The following FRMD1 variants were observed in gnomAD, a reference collection of about 807,000 sequenced individuals.
The protein encoded by FRMD1 is FERM domain containing 1.
Under a neutral mutation model 54.9 loss-of-function variants are expected in FRMD1, and 51 were observed. The ratio of observed to expected loss-of-function variants is 0.93; its 90% confidence interval spans 0.74 to 1.17. The LOEUF (loss-of-function observed/expected upper bound fraction) is 1.17, where lower values mean the gene tolerates loss of function less well. Among genes scored for constraint, FRMD1 ranks in the 50% most tolerant of loss-of-function variants. The probability of loss-of-function intolerance (pLI) is 0.00; values close to 1 mark genes in which losing one functional copy is unlikely to be tolerated. For synonymous variants in FRMD1, 324 were observed against 306.4 expected (o/e 1.06, Z -0.60); for missense variants, 729 against 743.0 (o/e 0.98, Z 0.22).
upstream of FRMD1, among the ~76,000 whole-genome samples, chr6:168,086,122 A>T (rs180696833): frequency 3.9e-5 from 6 of 152,284 alleles, no homozygotes; most frequent in Non-Finnish European, 7.4e-5. Flanking sequence ...GACGCCAGCC[A>T]TGTCCCCAGC....
upstream of FRMD1, among the ~76,000 whole-genome samples, chr6:168,084,233 G>A (rs1562434552): frequency 6.6e-6 from 1 of 152,192 alleles, no homozygotes; most frequent in African/African-American, 2.4e-5. Flanking sequence ...GAAGCCTGGG[G>A]CATCATGAAG....
chr6:168,064,151 C>T (rs960059967), intron 5 of FRMD1, among the ~76,000 whole-genome samples: 1 of 152,184 alleles, frequency 6.6e-6, no homozygotes, highest in Non-Finnish European at 1.5e-5. Flanking sequence ...TGCTCAGAGG[C>T]CAAGGGCACG....
chr6:168,076,363 T>C (rs1800593385), intron 1 of FRMD1, among the ~76,000 whole-genome samples: 1 of 152,368 alleles, frequency 6.6e-6, no homozygotes, highest in Admixed American at 6.5e-5. Flanking sequence ...ACTGTAAGAC[T>C]GACTTCCTTA....
chr6:168,079,541 G>A (rs1800768733), upstream of FRMD1, among the ~76,000 whole-genome samples: 1 of 152,234 alleles, frequency 6.6e-6, no homozygotes, highest in Non-Finnish European at 1.5e-5. Flanking sequence ...GGAAGATGGA[G>A]CAGCAGCAGG....
intron 1 of FRMD1, among the ~76,000 whole-genome samples, chr6:168,092,102 A>T (rs998044568): frequency 6.6e-6 from 1 of 152,246 alleles, no homozygotes; most frequent in Non-Finnish European, 1.5e-5. Flanking sequence ...CTCTGTGGAC[A>T]GAGCGCTGCC....
intron 1 of FRMD1, among the ~76,000 whole-genome samples, chr6:168,076,836 G>C (rs190443575): frequency 8.5e-5 from 13 of 152,224 alleles, no homozygotes; most frequent in Admixed American, 7.9e-4. Context: ...GAATAACTGG[G>C]CTTGACACAT....
At chr6:168,069,542 T>C (rs1235763203) in intron 2 of FRMD1, among the ~76,000 whole-genome samples, 1 of 152,230 alleles carries the variant, frequency 6.6e-6, no homozygotes, top group Non-Finnish European at 1.5e-5. Flanking sequence ...CAATGTTCGC[T>C]AAAGGATCTG....
At chr6:168,057,492 C>T in intron 10 of FRMD1, 153 bp from the exon 11 acceptor site, 6 of 1,057,472 alleles carry the variant, frequency 5.7e-6, no homozygotes, top group Non-Finnish European at 6.7e-6. Flanking sequence ...TGGACGGGTC[C>T]CCCAGCACAC....
chr6:168,081,471 T>G, upstream of FRMD1: 2 of 1,535,552 alleles, frequency 1.3e-6, no homozygotes, highest in Non-Finnish European at 1.7e-6. Context: ...CGCCCAGATC[T>G]CCTCATGGCT....
rs1322324760 is a variant in FRMD1, at chr6:168,056,632, G to C, written c.*465C>G. The C allele has an allele frequency of 2.8e-5, 1 of 35,442 alleles. No homozygotes were observed. Among genetic ancestry groups the C allele is most frequent in the Non-Finnish European group, 7.4e-5 (1 of 13,440 alleles). 2.2% of individuals were successfully genotyped at this position (35,442 alleles called of 1,614,324 possible). A position where few individuals can be genotyped will look rare whatever the true frequency, so the allele number is the denominator to read the frequency against. ...CTGGGAGGAACCTGGGTCCTGCACA[G>C]TGATGACTGTGAACTCCGGCTTGGG... is the stretch of plus-strand genomic sequence containing the variant. On this transcript the variant is annotated 3_prime_UTR_variant, in exon 11 of 11. Coordinates refer to ENST00000283309, the MANE Select transcript of FRMD1 (RefSeq NM_024919.6).
chr6:168,079,763 C>T (rs1462916647), upstream of FRMD1, among the ~76,000 whole-genome samples: 1 of 152,202 alleles, frequency 6.6e-6, no homozygotes, highest in Non-Finnish European at 1.5e-5. Flanking sequence ...CCTGCAGCAG[C>T]TGGAAGGCCA....
chr6:168,082,995 C>T (rs1800861666), upstream of FRMD1, among the ~76,000 whole-genome samples: 1 of 152,304 alleles, frequency 6.6e-6, no homozygotes, highest in East Asian at 1.9e-4. Flanking sequence ...CCAAGCCTGG[C>T]CCAGGGGCAG....
At chr6:168,066,283 G>A in intron 4 of FRMD1, 2 of 851,768 alleles carry the variant, frequency 2.3e-6, no homozygotes, top group South Asian at 1.1e-4. Flanking sequence ...TGGATCACCT[G>A]AGGTCGGGAG....
upstream of FRMD1, among the ~76,000 whole-genome samples, chr6:168,081,127 A>C (rs1162126134): frequency 6.6e-6 from 1 of 152,084 alleles, no homozygotes; most frequent in Non-Finnish European, 1.5e-5. Flanking sequence ...TCTGAGTGCC[A>C]GGGAGAGCTG....
At chr6:168,073,241 G>A (rs956946273) in intron 2 of FRMD1, among the ~76,000 whole-genome samples, 5 of 150,474 alleles carry the variant, frequency 3.3e-5, no homozygotes, top group South Asian at 4.3e-4. Context: ...GGCTGGAATC[G>A]GGTGGGGGCT....
chr6:168,079,270 T>G, upstream of FRMD1: 1 of 1,244,616 alleles, frequency 8.0e-7, no homozygotes, highest in Non-Finnish European at 1.1e-6. Context: ...GGGTCAGAGC[T>G]GCAAATAGCT....
upstream of FRMD1, among the ~76,000 whole-genome samples, chr6:168,079,756 G>A (rs1800774135): frequency 6.6e-6 from 1 of 152,196 alleles, no homozygotes; most frequent in South Asian, 2.1e-4. Flanking sequence ...CTTCCTGCCT[G>A]CAGCAGCTGG....
chr6:168,075,581 GC>G (rs1800550022), intron 1 of FRMD1, among the ~76,000 whole-genome samples: 1 of 152,206 alleles, frequency 6.6e-6, no homozygotes, highest in African/African-American at 2.4e-5. Flanking sequence ...GATCAGGGCT[GC>G]CCCCTCCATC....
At chr6:168,057,592 CT>C in intron 10 of FRMD1, 1 of 541,862 alleles carries the variant, frequency 1.8e-6, no homozygotes, top group Non-Finnish European at 3.3e-6. Context: ...TGCTTTCTGC[CT>C]TTTAACTCAG....
Sources: allele counts gnomAD v4.1 joint callset (sites outside exome capture counted in the v4.1 genomes callset), GRCh38; gene constraint gnomAD v4.1.1; transcripts MANE v1.5; gene names NCBI Gene and HGNC (gene_info 2026-07-23, HGNC 2026-07-21).